The following OPCML variants were observed in gnomAD, a reference collection of about 807,000 sequenced individuals.
OPCML encodes opioid binding protein/cell adhesion molecule like, also known as opioid-binding protein/cell adhesion molecule.
OPCML carries 13 observed loss-of-function variants against 37.8 expected under a neutral mutation model. The ratio of observed to expected loss-of-function variants is 0.34; its 90% CI spans 0.22 to 0.55. The LOEUF (loss-of-function observed/expected upper bound fraction) is 0.55, where lower values mean the gene tolerates loss of function less well. Among genes scored for constraint, OPCML ranks in the 20% least tolerant of loss-of-function variants. OPCML has a pLI of 0.91. For missense variants in OPCML, 341 were observed against 435.6 expected (o/e 0.78, Z 1.93); for synonymous variants, 176 against 168.8 (o/e 1.04, Z -0.33).
At chr11:133,503,529 C>T (rs1407701341) in intron 1 of OPCML, among the ~76,000 whole-genome samples, 1 of 152,190 alleles carries the variant, frequency 6.6e-6, no homozygotes, top group East Asian at 1.9e-4. Flanking sequence ...CAACTGGCAA[C>T]ACCTTATTAA....
intron 1 of OPCML, among the ~76,000 whole-genome samples, chr11:133,267,694 C>T (rs1225289644): frequency 2.6e-5 from 4 of 152,114 alleles, no homozygotes; most frequent in Admixed American, 2.6e-4. Flanking sequence ...TCTCACAATT[C>T]CCATGTGTCG....
chr11:133,215,758 C>T (rs1446122342), intron 1 of OPCML, among the ~76,000 whole-genome samples: 2 of 152,090 alleles, frequency 1.3e-5, no homozygotes, highest in African/African-American at 2.4e-5. Flanking sequence ...GAAGGGAAGG[C>T]CTTCCACCTG....
chr11:133,015,128 T>C (rs1220413519), intron 1 of OPCML, among the ~76,000 whole-genome samples: 1 of 151,980 alleles, frequency 6.6e-6, no homozygotes, highest in Admixed American at 6.6e-5. Flanking sequence ...AGGTAATAAA[T>C]TTACATAGAT....
chr11:133,477,996 C>T (rs74951107), intron 1 of OPCML, among the ~76,000 whole-genome samples: 4,613 of 152,226 alleles, frequency 0.03, 227 homozygotes, highest in African/African-American at 0.1. Context: ...GATGTGCTTA[C>T]TGCTTATCAG....
At chr11:133,491,083 A>C (rs565644334) in intron 1 of OPCML, among the ~76,000 whole-genome samples, 1 of 152,348 alleles carries the variant, frequency 6.6e-6, no homozygotes, top group Admixed American at 6.5e-5. Context: ...ATGAGAAGTC[A>C]GCAGTGTGAA....
chr11:132,652,848 C>T (rs1000038220), intron 3 of OPCML, among the ~76,000 whole-genome samples: 22 of 152,282 alleles, frequency 1.4e-4, no homozygotes, highest in African/African-American at 4.6e-4. Flanking sequence ...GCTTTATGAT[C>T]GCTGTGTTCC....
intron 2 of OPCML, among the ~76,000 whole-genome samples, chr11:132,745,563 CAAAA>C (rs10562857): frequency 0.33 from 34,278 of 103,136 alleles, 4,404 homozygotes; most frequent in Middle Eastern, 0.41. Context: ...TGCTGTCTTG[CAAAA>C]AAAAAAAAAA....
At chr11:132,783,082 T>A (rs1359627419) in intron 2 of OPCML, among the ~76,000 whole-genome samples, 1 of 151,964 alleles carries the variant, frequency 6.6e-6, no homozygotes, top group Non-Finnish European at 1.5e-5. Context: ...TCAGTTCACC[T>A]CTTTGGGTGA....
At chr11:132,785,668 C>T (rs1204463107) in intron 2 of OPCML, among the ~76,000 whole-genome samples, 1 of 152,204 alleles carries the variant, frequency 6.6e-6, no homozygotes, top group Non-Finnish European at 1.5e-5. Context: ...ATGTCAGTAA[C>T]TCTGTGCAGT....
At chr11:133,454,671 G>T (rs1946641303) in intron 1 of OPCML, among the ~76,000 whole-genome samples, 1 of 152,122 alleles carries the variant, frequency 6.6e-6, no homozygotes, top group African/African-American at 2.4e-5. Context: ...CTAGAAAGGG[G>T]AAATAAGCAA....
Position 133,140,877 on chromosome 11 carries a change from A to G in OPCML, c.62-197867T>C, listed in dbSNP as rs1199352339. ...ACGAAGAAGACGACGACGACGAAGA[A>G]GACGACGACGACGACGAAGACGACG... On this transcript the variant is annotated intron_variant, in intron 1 of 7. Coordinates refer to ENST00000524381, the MANE Select transcript of OPCML (RefSeq NM_001012393.5). 2.9e-3 allele frequency among the ~76,000 whole-genome samples: 49 copies of G among 16,908 alleles called. 3 individuals carry two copies. The highest frequency in any genetic ancestry group is 4.7e-3 in the African/African-American group (49 of 10,340). The allele number at this position is 16,908 out of a possible 152,430, so 11.1% of individuals were successfully genotyped here.
intron 4 of OPCML, among the ~76,000 whole-genome samples, chr11:132,486,104 T>G (rs2096198966): frequency 6.6e-6 from 1 of 152,206 alleles, no homozygotes. Context: ...GAGTCAAGGA[T>G]TCCAATTGCC....
rs760838065 is a variant in OPCML at position 133,287,275 on chromosome 11, C to CTTTTTTTT, written c.61+244981_61+244988dup. ...TTTAATTCTTTTTCTTTCTTTCTTTCTTTTTTTTTTTTTTTTTTTAGAGAT... is the reference window on the plus strand; with the variant it reads ...TTTAATTCTTTTTCTTTCTTTCTTTCTTTTTTTTTTTTTTTTTTTTTTTTTTTAGAGAT... On this transcript the variant is annotated intron_variant, in intron 1 of 7. Coordinates refer to ENST00000524381, the MANE Select transcript of OPCML (RefSeq NM_001012393.5). 8.4e-4 allele frequency among the ~76,000 whole-genome samples: 102 copies of CTTTTTTTT among 120,912 alleles called. 1 individual carries two copies. Among genetic ancestry groups the CTTTTTTTT allele is most frequent in the African/African-American group, 2.6e-3 (84 of 32,722 alleles). 79.3% of individuals were successfully genotyped at this position (120,912 alleles called of 152,430 possible).
intron 4 of OPCML, among the ~76,000 whole-genome samples, chr11:132,469,313 T>G (rs1191191490): frequency 6.6e-6 from 1 of 152,068 alleles, no homozygotes; most frequent in African/African-American, 2.4e-5. Context: ...ATGGAGAGAA[T>G]TTTCGTGAGA....
At chr11:133,181,590 A>G (rs1937836071) in intron 1 of OPCML, among the ~76,000 whole-genome samples, 1 of 151,924 alleles carries the variant, frequency 6.6e-6, no homozygotes. Flanking sequence ...CCTCAGAAAT[A>G]CCTCTGTCCA....
intron 4 of OPCML, among the ~76,000 whole-genome samples, chr11:132,452,060 T>G (rs1442449087): frequency 6.6e-6 from 1 of 152,032 alleles, no homozygotes; most frequent in Admixed American, 6.6e-5. Context: ...GATAACTGAT[T>G]TGTGTTCTGT....
chr11:133,307,993 C>A (rs977592600), intron 1 of OPCML, among the ~76,000 whole-genome samples: 27 of 151,744 alleles, frequency 1.8e-4, no homozygotes, highest in African/African-American at 6.1e-4. Context: ...AGTGTAAGAG[C>A]TAGAAATCTA....
At chr11:132,731,154 C>A (rs1423661411) in intron 2 of OPCML, among the ~76,000 whole-genome samples, 1 of 152,106 alleles carries the variant, frequency 6.6e-6, no homozygotes, top group East Asian at 1.9e-4. Context: ...ATTAAGAAAG[C>A]AAATGTTTAA....
chr11:132,562,330 A>G (rs2096412459), intron 3 of OPCML, among the ~76,000 whole-genome samples: 1 of 145,920 alleles, frequency 6.9e-6, no homozygotes, highest in Non-Finnish European at 1.5e-5. Flanking sequence ...GGGTCTCAGG[A>G]AAAAAAAAAA....
Sources: gnomAD v4.1 joint callset for allele counts (sites outside exome capture counted in the v4.1 genomes callset) on GRCh38, gnomAD v4.1.1 for gene constraint, MANE v1.5 for transcripts, NCBI Gene and HGNC (gene_info 2026-07-23, HGNC 2026-07-21) for gene names.